The following NEBL variants were observed in gnomAD, a reference collection of about 807,000 sequenced individuals.
The protein encoded by NEBL is LIM and SH3 protein 2.
NEBL carries 122 observed loss-of-function variants against 140.2 expected under a neutral mutation model. The ratio of observed to expected loss-of-function variants is 0.87; its 90% confidence interval spans 0.75 to 1.01. The LOEUF (loss-of-function observed/expected upper bound fraction) is 1.01. NEBL is among the 50% of genes least tolerant of loss of function. The probability of loss-of-function intolerance (pLI) is 0.00; values close to 1 mark genes in which losing one functional copy is unlikely to be tolerated. For synonymous variants in NEBL, 436 were observed against 398.9 expected (o/e 1.09, Z -1.11); for missense variants, 1,365 against 1,231.3 (o/e 1.11, Z -1.62).
intron 2 of NEBL, among the ~76,000 whole-genome samples, chr10:21,021,116 T>C (rs1838773140): frequency 1.3e-5 from 2 of 152,128 alleles, no homozygotes; most frequent in African/African-American, 4.8e-5. Context: ...CTGGGAGTAA[T>C]CTAGATTCCT....
At chr10:21,184,574 A>C (rs1167634185) in intron 3 of NEBL, among the ~76,000 whole-genome samples, 2 of 152,212 alleles carry the variant, frequency 1.3e-5, no homozygotes, top group South Asian at 4.1e-4. Context: ...AAGAGCCTTC[A>C]TTATATGAAA....
chr10:21,185,451 A>G (rs993084861), intron 3 of NEBL, among the ~76,000 whole-genome samples: 12 of 149,864 alleles, frequency 8.0e-5, no homozygotes, highest in African/African-American at 3.0e-4. Context: ...CTAAGCACAC[A>G]GAATTTCGAC....
At chr10:20,926,956 G>C (rs1343507585) in intron 4 of NEBL, among the ~76,000 whole-genome samples, 1 of 152,194 alleles carries the variant, frequency 6.6e-6, no homozygotes, top group African/African-American at 2.4e-5. Context: ...AGAGATCACA[G>C]ATGAGTGGGG....
chr10:21,198,242 T>A (rs1841682861), intron 3 of NEBL, among the ~76,000 whole-genome samples: 1 of 152,126 alleles, frequency 6.6e-6, no homozygotes, highest in Non-Finnish European at 1.5e-5. Context: ...TCCTCTTAGC[T>A]CATGAGAAAA....
At chr10:20,900,376 G>A (rs576496898), upstream of NEBL, among the ~76,000 whole-genome samples, 1 of 152,138 alleles carries the variant, frequency 6.6e-6, no homozygotes, top group Non-Finnish European at 1.5e-5. Context: ...GTTGACAGAA[G>A]TTAATAAAAA....
At chr10:20,789,866 T>TACATAC (rs1327600739) in intron 26 of NEBL, among the ~76,000 whole-genome samples, 1 of 149,560 alleles carries the variant, frequency 6.7e-6, no homozygotes, top group South Asian at 2.1e-4. Context: ...TATATATATA[T>TACATAC]ACATACACAT....
intron 3 of NEBL, among the ~76,000 whole-genome samples, chr10:21,210,013 A>T (rs1468785186): frequency 6.6e-6 from 1 of 152,222 alleles, no homozygotes; most frequent in East Asian, 1.9e-4. Flanking sequence ...TAAAGCCCCA[A>T]TTGCTCAATA....
At chr10:21,166,429 T>C (rs1840782886) in intron 2 of NEBL, among the ~76,000 whole-genome samples, 1 of 152,136 alleles carries the variant, frequency 6.6e-6, no homozygotes, top group Non-Finnish European at 1.5e-5. Flanking sequence ...TAGCAGCCCA[T>C]AGTGCGAAAA....
chr10:20,951,216 G>A (rs1230817355), intron 4 of NEBL, among the ~76,000 whole-genome samples: 1 of 152,092 alleles, frequency 6.6e-6, no homozygotes, highest in Non-Finnish European at 1.5e-5. Context: ...TCTTGTCCTT[G>A]GAACCAAATA....
chr10:20,809,764 A>T (rs777702807), intron 25 of NEBL, 42 bp downstream of exon 25: 3 of 1,439,280 alleles, frequency 2.1e-6, no homozygotes, highest in Non-Finnish European at 2.9e-6. Flanking sequence ...CACTTTTGGG[A>T]CAAAACCACA....
chr10:20,946,205 G>T (rs991966641), intron 4 of NEBL, among the ~76,000 whole-genome samples: 1 of 152,196 alleles, frequency 6.6e-6, no homozygotes, highest in Non-Finnish European at 1.5e-5. Context: ...TATGAGCAAG[G>T]AGCCCATCGT....
intron 2 of NEBL, among the ~76,000 whole-genome samples, chr10:21,116,542 A>G (rs948898225): frequency 1.3e-5 from 2 of 152,132 alleles, no homozygotes; most frequent in East Asian, 1.9e-4. Context: ...GAGGGTCACA[A>G]TTCAGTCCAT....
chr10:20,939,809 A>C (rs1049431412), intron 4 of NEBL, among the ~76,000 whole-genome samples: 8 of 152,238 alleles, frequency 5.3e-5, no homozygotes, highest in Non-Finnish European at 1.2e-4. Flanking sequence ...AGCAGACTTT[A>C]AATGAACAAA....
At chr10:20,811,523 T>C (rs960686978) in intron 24 of NEBL, among the ~76,000 whole-genome samples, 8 of 152,348 alleles carry the variant, frequency 5.3e-5, no homozygotes, top group South Asian at 2.1e-4. Context: ...TCCTTTTAAG[T>C]AATCAACTCA....
chr10:20,924,813 C>T (rs1589021304), intron 4 of NEBL, among the ~76,000 whole-genome samples: 1 of 151,986 alleles, frequency 6.6e-6, no homozygotes, highest in Non-Finnish European at 1.5e-5. Flanking sequence ...TCCAGGTCAG[C>T]CCAGAAAAGC....
intron 1 of NEBL, among the ~76,000 whole-genome samples, chr10:21,287,508 C>G (rs1843073344): frequency 6.6e-6 from 1 of 152,084 alleles, no homozygotes; most frequent in African/African-American, 2.4e-5. Context: ...TGCTCTTCAG[C>G]TTGGGTGACA....
chr10:20,810,746 T>C (rs1470024333), intron 24 of NEBL, among the ~76,000 whole-genome samples: 2 of 152,218 alleles, frequency 1.3e-5, no homozygotes, highest in East Asian at 1.9e-4. Context: ...AACCTAGTTA[T>C]AGACATACGG....
At chr10:20,810,017 A>C (rs1837985669) in intron 24 of NEBL, 119 bp from the exon 25 acceptor site, 1 of 724,022 alleles carries the variant, frequency 1.4e-6, no homozygotes, top group Non-Finnish European at 2.4e-6. Context: ...TAGATATAAG[A>C]AGCAAACATG....
At chr10:21,159,233 C>G (rs1840455681) in intron 2 of NEBL, among the ~76,000 whole-genome samples, 1 of 151,932 alleles carries the variant, frequency 6.6e-6, no homozygotes, top group African/African-American at 2.4e-5. Flanking sequence ...CTTATTCCTT[C>G]TTCTGTTTGT....
Sources: allele counts gnomAD v4.1 joint callset (sites outside exome capture counted in the v4.1 genomes callset), GRCh38; gene constraint gnomAD v4.1.1; transcripts MANE v1.5; gene names NCBI Gene and HGNC (gene_info 2026-07-23, HGNC 2026-07-21).